Variants in GABRB2 observed in about 807,000 individuals in gnomAD.
GABRB2 encodes the protein gamma-aminobutyric acid receptor subunit beta-2.
In GABRB2, 16 loss-of-function variants were observed where a neutral mutation model predicts 54.7. That is an observed-to-expected ratio of 0.29 (90% CI 0.20 to 0.44). The LOEUF (loss-of-function observed/expected upper bound fraction) is 0.44, where lower values mean the gene tolerates loss of function less well. Ranked by LOEUF, GABRB2 falls within the 20% of genes least tolerant of loss-of-function variation. The probability of loss-of-function intolerance (pLI) is 1.00; values close to 1 mark genes in which losing one functional copy is unlikely to be tolerated. For synonymous variants in GABRB2, 244 were observed against 233.8 expected (o/e 1.04, Z -0.40); for missense variants, 355 against 644.0 (o/e 0.55, Z 4.86).
intron 4 of GABRB2, among the ~76,000 whole-genome samples, chr5:161,455,733 A>G (rs1301012381): frequency 1.3e-5 from 2 of 151,752 alleles, no homozygotes; most frequent in Non-Finnish European, 2.9e-5. Context: ...GGGTTTTGCT[A>G]TTTTGCCCAG....
chr5:161,542,383 C>A (rs2113480291), intron 3 of GABRB2, among the ~76,000 whole-genome samples: 1 of 152,180 alleles, frequency 6.6e-6, no homozygotes, highest in East Asian at 1.9e-4. Context: ...TTGCAAGGCA[C>A]AATAAAGCAA....
intron 3 of GABRB2, among the ~76,000 whole-genome samples, chr5:161,521,895 A>AT (rs1306018799): frequency 6.6e-6 from 1 of 151,880 alleles, no homozygotes; most frequent in South Asian, 2.1e-4. Context: ...GAATCTTTGT[A>AT]TTTTATTTTA....
chr5:161,493,994 C>T (rs1759153273), intron 3 of GABRB2, among the ~76,000 whole-genome samples: 1 of 151,672 alleles, frequency 6.6e-6, no homozygotes, highest in Non-Finnish European at 1.5e-5. Flanking sequence ...ACATATTCCA[C>T]AATGTATACA....
chr5:161,457,512 C>T (rs1183544527), intron 4 of GABRB2, among the ~76,000 whole-genome samples: 1 of 148,590 alleles, frequency 6.7e-6, no homozygotes, highest in East Asian at 2.0e-4. Flanking sequence ...GTGGCGCGAT[C>T]TCGGCTCACT....
At chr5:161,330,225 T>C (rs541197084) in intron 8 of GABRB2, 25 of 152,328 alleles carry the variant, frequency 1.6e-4, no homozygotes, top group African/African-American at 5.3e-4. Flanking sequence ...TTAAGCAAGA[T>C]GGTGGCCTCA....
At position 161,501,053 on chromosome 5, in the gene GABRB2, G is replaced by T. The variant is rs149317947; in HGVS notation, c.238-41209C>A. Among the ~76,000 whole-genome samples the T allele has an allele frequency of 4.8e-4, 66 of 138,066 alleles. No individual in the cohort carries two copies. The East Asian group carries it at 0.013, about 27-fold the overall frequency. 90.6% of individuals were successfully genotyped at this position (138,066 alleles called of 152,430 possible). ...CCTGTGTCCATGTGTATTTTTAAAT[G>T]GGCATGTATCATCTAGTTACAGAAT... On this transcript the variant is annotated intron_variant, in intron 3 of 9. Coordinates refer to ENST00000393959, the MANE Select transcript of GABRB2 (RefSeq NM_001371727.1).
intron 3 of GABRB2, among the ~76,000 whole-genome samples, chr5:161,537,730 C>A (rs1760685791): frequency 6.6e-6 from 1 of 152,158 alleles, no homozygotes; most frequent in Admixed American, 6.5e-5. Context: ...TCATGCAATT[C>A]TATTGACACT....
At chr5:161,357,434 T>C (rs2113445547) in intron 5 of GABRB2, among the ~76,000 whole-genome samples, 1 of 151,960 alleles carries the variant, frequency 6.6e-6, no homozygotes, top group East Asian at 1.9e-4. Context: ...AAGTGCAGGG[T>C]TGGCAGTCAC....
At chr5:161,383,730 C>T (rs1580936680) in intron 5 of GABRB2, among the ~76,000 whole-genome samples, 1 of 152,162 alleles carries the variant, frequency 6.6e-6, no homozygotes, top group African/African-American at 2.4e-5. Flanking sequence ...CCCTCTTCCC[C>T]CACCATAGAT....
At chr5:161,418,929 C>T (rs1756763986) in intron 4 of GABRB2, among the ~76,000 whole-genome samples, 1 of 152,124 alleles carries the variant, frequency 6.6e-6, no homozygotes, top group African/African-American at 2.4e-5. Flanking sequence ...GAGTTCGAGA[C>T]CAGCGGGGGA....
chr5:161,453,930 C>T (rs919756105), intron 4 of GABRB2, among the ~76,000 whole-genome samples: 1 of 150,090 alleles, frequency 6.7e-6, no homozygotes, highest in Admixed American at 6.7e-5. Context: ...CCTAGTTACT[C>T]GGGAGGCTGG....
In GABRB2 at chr5:161,336,698, T is replaced by C. The variant is rs779008770; in HGVS notation, c.613A>G (p.Ile205Val). 1.9e-6 allele frequency: 3 copies of C among 1,613,518 alleles called. No individual in the cohort carries two copies. Among genetic ancestry groups the C allele is most frequent in the Non-Finnish European group, 2.5e-6 (3 of 1,179,712 alleles). ...ACAATAGAGAACTGTGGAAGTTCAA[T>C]TTTCGTTACTCCTGTTACTGCATTA... The part of the protein sequence containing the change: ...DDNAVTGVTK[I>V]ELPQFSIVDY... The change falls in exon 6 of 10, where the codon ATT becomes GTT. Residue 205 changes from isoleucine to valine, a missense_variant. Coordinates refer to ENST00000393959, the MANE Select transcript of GABRB2 (RefSeq NM_001371727.1).
At chr5:161,381,871 C>A (rs958630336) in intron 5 of GABRB2, among the ~76,000 whole-genome samples, 2 of 152,148 alleles carry the variant, frequency 1.3e-5, no homozygotes, top group Admixed American at 1.3e-4. Flanking sequence ...ATATTTCATA[C>A]ATCTGGTGTG....
chr5:161,338,195 C>T (rs1187600895), intron 5 of GABRB2, among the ~76,000 whole-genome samples: 2 of 152,098 alleles, frequency 1.3e-5, no homozygotes, highest in East Asian at 3.9e-4. Context: ...TATGGTTTAG[C>T]TTTCCTAGAA....
At chr5:161,493,907 TA>T (rs1247796439) in intron 3 of GABRB2, among the ~76,000 whole-genome samples, 1 of 151,804 alleles carries the variant, frequency 6.6e-6, no homozygotes, top group African/African-American at 2.4e-5. Flanking sequence ...TGAAGCATTC[TA>T]GGTTTATAAA....
At chr5:161,491,032 G>C (rs886546208) in intron 3 of GABRB2, among the ~76,000 whole-genome samples, 2 of 151,624 alleles carry the variant, frequency 1.3e-5, no homozygotes, top group African/African-American at 4.8e-5. Context: ...TAAAAGGGAA[G>C]TGCTTTTTGG....
At chr5:161,416,243 A>G (rs1020905006) in intron 4 of GABRB2, among the ~76,000 whole-genome samples, 1 of 152,148 alleles carries the variant, frequency 6.6e-6, no homozygotes, top group African/African-American at 2.4e-5. Flanking sequence ...CCCAGCCAGC[A>G]TTCCAAGTTT....
rs1036434737 is a variant in GABRB2 at position 161,290,215 on chromosome 5, G to C, written c.*3866C>G. Reference sequence around the variant, plus strand: ...TGATTGCTACAGTTGTGAATACTTAGTATTTTGCCCTAACCAACATGGTGG... The same window carrying C: ...TGATTGCTACAGTTGTGAATACTTACTATTTTGCCCTAACCAACATGGTGG... On this transcript the variant is annotated 3_prime_UTR_variant, in exon 10 of 10. Transcript: ENST00000393959. 7.3e-5 allele frequency: 11 copies of C among 151,568 alleles called. No homozygotes were observed. In the South Asian group the frequency reaches 2.1e-3, roughly 29 times the overall value. 9.4% of individuals were successfully genotyped at this position (151,568 alleles called of 1,614,324 possible).
At chr5:161,435,874 T>C (rs1202393393) in intron 4 of GABRB2, among the ~76,000 whole-genome samples, 4 of 152,224 alleles carry the variant, frequency 2.6e-5, no homozygotes, top group African/African-American at 9.6e-5. Context: ...TGGCTTGAAT[T>C]TAAATTTATA....
Sources: gnomAD v4.1 joint callset for allele counts (sites outside exome capture counted in the v4.1 genomes callset) on GRCh38, gnomAD v4.1.1 for gene constraint, MANE v1.5 for transcripts, NCBI Gene and HGNC (gene_info 2026-07-23, HGNC 2026-07-21) for gene names.